DNASE1: variants seen among roughly 807,000 people sequenced by gnomAD.
DNASE1 encodes the protein deoxyribonuclease 1.
Under a neutral mutation model 33.9 loss-of-function variants are expected in DNASE1, and 40 were observed. That is an observed-to-expected ratio of 1.18 (90% CI 0.92 to 1.54). DNASE1 has a LOEUF of 1.54. Ranked by LOEUF, DNASE1 falls within the 40% of genes most tolerant of loss-of-function variation. The pLI is 0.00. For synonymous variants in DNASE1, 216 were observed against 160.0 expected, an observed-to-expected ratio of 1.35 and a Z score of -2.64; for missense variants, 518 against 372.6, an observed-to-expected ratio of 1.39 and a Z score of -3.21.
At chr16:3,620,202 C>T (rs938678775) in intron 1 of DNASE1, among the ~76,000 whole-genome samples, 1 of 152,126 alleles carries the variant, frequency 6.6e-6, no homozygotes, top group Non-Finnish European at 1.5e-5. Context: ...AGGCATGAGC[C>T]ACCTCGCCAG....
At chr16:3,615,209 A>G (rs1354825199) in intron 1 of DNASE1, among the ~76,000 whole-genome samples, 1 of 152,176 alleles carries the variant, frequency 6.6e-6, no homozygotes, top group Non-Finnish European at 1.5e-5. Flanking sequence ...GCACCAACTG[A>G]ACAAACACTG....
At chr16:3,663,349 G>A (rs2151241532) in exon 10 of DNASE1, 2 of 1,578,874 alleles carry the variant, frequency 1.3e-6, no homozygotes, top group South Asian at 1.1e-5. Context: ...CCCAAAGGAA[G>A]CCCTCGCTGC....
intron 6 of DNASE1, 36 bp from the exon 7 acceptor site, chr16:3,657,151 G>C: frequency 6.2e-7 from 1 of 1,614,112 alleles, no homozygotes; most frequent in Non-Finnish European, 8.5e-7. Flanking sequence ...AGCGGCCTCC[G>C]CATGTCCCAG....
intron 1 of DNASE1, among the ~76,000 whole-genome samples, chr16:3,619,095 G>A (rs1237192871): frequency 6.6e-6 from 1 of 151,766 alleles, no homozygotes; most frequent in Admixed American, 6.6e-5. Flanking sequence ...AGTGCAGTGG[G>A]GCAATCTCAG....
At chr16:3,659,777 A>ATAGT (rs1284636392), downstream of DNASE1, 2 of 150,048 alleles carry the variant, frequency 1.3e-5, no homozygotes, top group Non-Finnish European at 3.0e-5. Context: ...AGATAGATAG[A>ATAGT]TAGACTCTCA....
chr16:3,626,618 A>G (rs934690689), intron 1 of DNASE1, among the ~76,000 whole-genome samples: 2 of 152,166 alleles, frequency 1.3e-5, no homozygotes, highest in Admixed American at 1.3e-4. Flanking sequence ...TGTTAGGTGG[A>G]GTGTCCTCTA....
At position 3,655,455 on chromosome 16, in the gene DNASE1, T is replaced by G. The variant is rs562520867; in HGVS notation, c.82T>G (p.Phe28Val). Residue 28 changes from phenylalanine to valine, a missense_variant, in exon 2 of 9, where the codon TTC becomes GTC. Physicochemically the swap from Phe to Val is conservative, Grantham distance 50. Transcript: ENST00000246949. ...QGAVSLKIAA[F>V]NIQTFGETKM... is the part of the protein sequence containing the mutation. ...GGCCGTGTCCCTGAAGATCGCAGCC[T>G]TCAACATCCAGACATTTGGGGAGAC... 1 of 1,614,124 alleles carries G rather than the reference T, an allele frequency of 6.2e-7. No individual in the cohort carries two copies. Among genetic ancestry groups the G allele is most frequent in the East Asian group, 2.2e-5 (1 of 44,874 alleles).
At chr16:3,623,234 G>A (rs1040118194) in intron 1 of DNASE1, among the ~76,000 whole-genome samples, 2 of 152,144 alleles carry the variant, frequency 1.3e-5, no homozygotes, top group African/African-American at 4.8e-5. Context: ...CAAATATGCA[G>A]TGGGGGAAGG....
chr16:3,654,498 C>G, upstream of DNASE1: 1 of 398,738 alleles, frequency 2.5e-6, no homozygotes, highest in East Asian at 3.6e-5. Context: ...GCCTCTTTGT[C>G]CAAAGTGACC....
chr16:3,614,998 T>A (rs920909510), intron 1 of DNASE1, among the ~76,000 whole-genome samples: 1 of 152,218 alleles, frequency 6.6e-6, no homozygotes, highest in African/African-American at 2.4e-5. Context: ...TAAAATAAAT[T>A]AGTTGAAGTG....
At chr16:3,649,806 C>G (rs1450864664), upstream of DNASE1, among the ~76,000 whole-genome samples, 1 of 152,010 alleles carries the variant, frequency 6.6e-6, no homozygotes. Flanking sequence ...ATAAAGGAAT[C>G]TCTCAGGGCG....
At position 3,625,820 on chromosome 16, in the gene DNASE1, C is replaced by A. The variant is rs183510166; in HGVS notation, c.-1359+13814C>A. ...GGCACCATTAAGAGGGTGTAAAGGG[C>A]TGTGCATGGTGGCTCATGCCTGTAA... On this transcript the variant is annotated intron_variant and NMD_transcript_variant, in intron 1 of 11. Transcript: ENST00000570769. Among the ~76,000 whole-genome samples the A allele has an allele frequency of 1.1e-4, 17 of 152,226 alleles. No individual in the cohort carries two copies. In the East Asian group the frequency reaches 3.3e-3, roughly 29 times the overall value.
downstream of DNASE1, chr16:3,658,494 C>T: frequency 5.2e-6 from 3 of 572,514 alleles, no homozygotes; most frequent in Non-Finnish European, 9.3e-6. Flanking sequence ...CCATCCTGGC[C>T]AAGATGGTGA....
At chr16:3,647,123 A>G (rs1303080115) in intron 1 of DNASE1, among the ~76,000 whole-genome samples, 1 of 151,954 alleles carries the variant, frequency 6.6e-6, no homozygotes, top group Non-Finnish European at 1.5e-5. Context: ...TAAGATGGAA[A>G]CCTGGGCATT....
chr16:3,654,523 CAA>C (rs1596640900), upstream of DNASE1: 8 of 398,576 alleles, frequency 2.0e-5, no homozygotes, highest in Middle Eastern at 6.2e-4. Context: ...GGCCCCCAGA[CAA>C]GAGACAGGGA....
chr16:3,638,428 C>T (rs1386083719), upstream of DNASE1, among the ~76,000 whole-genome samples: 2 of 152,162 alleles, frequency 1.3e-5, no homozygotes, highest in Non-Finnish European at 2.9e-5. Flanking sequence ...AGCTCCGCCT[C>T]CAGGGTTCAC....
At position 3,649,337 on chromosome 16, in the gene DNASE1, G is replaced by A. The variant is rs114290863; in HGVS notation, c.-85-5624G>A. On this transcript the variant is annotated intron_variant, in intron 1 of 9. Transcript: ENST00000407479. ...TTTTGCATAGGAAAGGCAGAATACC[G>A]CCTTGATCCTTTGACTTTATTTGCC... Among the ~76,000 whole-genome samples, 175 of 152,310 alleles carry A rather than the reference G, an allele frequency of 1.1e-3. 1 individual carries two copies. The highest frequency in any genetic ancestry group is 4.1e-3 in the African/African-American group (170 of 41,560).
chr16:3,641,597 A>G (rs1219389589), upstream of DNASE1, among the ~76,000 whole-genome samples: 1 of 152,158 alleles, frequency 6.6e-6, no homozygotes, highest in Non-Finnish European at 1.5e-5. Flanking sequence ...TGGCTTCTCC[A>G]TGTAGTTCAG....
At chr16:3,633,863 C>T (rs1016466971) in intron 1 of DNASE1, among the ~76,000 whole-genome samples, 5 of 151,992 alleles carry the variant, frequency 3.3e-5, no homozygotes, top group Admixed American at 6.6e-5. Flanking sequence ...GGCTGAAGTG[C>T]GGTGGCTCGA....
Sources: gnomAD v4.1 joint callset for allele counts (sites outside exome capture counted in the v4.1 genomes callset) on GRCh38, gnomAD v4.1.1 for gene constraint, MANE v1.5 for transcripts, NCBI Gene and HGNC (gene_info 2026-07-23, HGNC 2026-07-21) for gene names.